RNF138: variants seen among roughly 807,000 people sequenced by gnomAD.
RNF138 encodes E3 ubiquitin-protein ligase RNF138.
In RNF138, 12 loss-of-function variants were observed where a neutral mutation model predicts 31.0. That is an observed-to-expected ratio of 0.39 (90% CI 0.25 to 0.63). The LOEUF is 0.63. Ranked by LOEUF, RNF138 falls within the 20% of genes least tolerant of loss-of-function variation. RNF138 has a pLI of 0.52. For missense variants in RNF138, 192 were observed against 300.1 expected (o/e 0.64, Z 2.66); for synonymous variants, 105 against 99.5 (o/e 1.06, Z -0.33).
chr18:32,123,803 C>G (rs956247405), intron 5 of RNF138: 1 of 271,508 alleles, frequency 3.7e-6, no homozygotes, highest in Non-Finnish European at 6.8e-6. Flanking sequence ...CAGGTGCCTG[C>G]CACCACGCCC....
chr18:32,115,534 C>G (rs993556026), intron 4 of RNF138, among the ~76,000 whole-genome samples: 15 of 152,170 alleles, frequency 9.9e-5, no homozygotes, highest in Admixed American at 7.9e-4. Flanking sequence ...CACTTGAGGT[C>G]AGGAGTTCAA....
intron 2 of RNF138, among the ~76,000 whole-genome samples, chr18:32,096,137 T>A (rs1009327093): frequency 6.6e-6 from 1 of 152,240 alleles, no homozygotes; most frequent in African/African-American, 2.4e-5. Context: ...TTGAGTGTTT[T>A]CCTGAAAACC....
At chr18:32,092,316 G>A (rs754280275) in intron 1 of RNF138, 81 bp downstream of exon 1, 97 of 155,822 alleles carry the variant, frequency 6.2e-4, no homozygotes, top group Admixed American at 1.1e-3. Flanking sequence ...ACACGGGCTG[G>A]GCACTCGGGG....
At chr18:32,115,071 C>G (rs2040193330) in intron 4 of RNF138, among the ~76,000 whole-genome samples, 1 of 151,958 alleles carries the variant, frequency 6.6e-6, no homozygotes, top group South Asian at 2.1e-4. Context: ...TGTTGTACTT[C>G]TACTTTATTG....
Position 32,091,897 on chromosome 18 carries a change from G to T in RNF138, c.-416G>T, listed in dbSNP as rs1299177331. The T allele has an allele frequency of 2.6e-5, 4 of 152,242 alleles. No individual in the cohort carries two copies. The highest frequency in any genetic ancestry group is 5.9e-5 in the Non-Finnish European group (4 of 68,090). 9.4% of individuals were successfully genotyped at this position (152,242 alleles called of 1,614,324 possible). ...GCGCCGTGCGCCGGTTGCTATACAG[G>T]CCGCACTTCACACCCCGTGCCTCCC... On this transcript the variant is annotated 5_prime_UTR_variant, in exon 1 of 8. Transcript: ENST00000261593.
chr18:32,129,080 A>C (rs371901863), intron 7 of RNF138, 39 bp from the exon 8 acceptor site: 22 of 1,389,150 alleles, frequency 1.6e-5, no homozygotes, highest in Non-Finnish European at 2.0e-5. Flanking sequence ...GAGTAGTTGA[A>C]TATGTTTTTC....
At chr18:32,107,164 A>C (rs1397237793) in intron 2 of RNF138, among the ~76,000 whole-genome samples, 1 of 115,642 alleles carries the variant, frequency 8.6e-6, no homozygotes, top group Non-Finnish European at 1.6e-5. Context: ...TCTGTCACCC[A>C]GGCTGGAGTG....
chr18:32,126,864 G>C (rs974507102), intron 7 of RNF138, 64 bp downstream of exon 7: 5 of 1,006,090 alleles, frequency 5.0e-6, no homozygotes, highest in African/African-American at 4.9e-5. Context: ...TAACTTTTTT[G>C]TAATCGACTT....
At chr18:32,095,389 C>T (rs1304820931) in intron 2 of RNF138, among the ~76,000 whole-genome samples, 1 of 152,098 alleles carries the variant, frequency 6.6e-6, no homozygotes, top group African/African-American at 2.4e-5. Flanking sequence ...CCAGTCAGAT[C>T]TTGAACTCCT....
chr18:32,105,988 T>C (rs998375871), intron 2 of RNF138, among the ~76,000 whole-genome samples: 2 of 152,202 alleles, frequency 1.3e-5, no homozygotes. Flanking sequence ...ACATTCATTC[T>C]TCTTAGTTCA....
rs1159960040 is a variant in RNF138, at chr18:32,130,092, T to C, written c.*905T>C. On this transcript the variant is annotated 3_prime_UTR_variant, in exon 8 of 8. Transcript: ENST00000261593. The stretch of plus-strand genomic sequence containing the variant: ...TAAAGATGTATATATACATATACTT[T>C]TGTGTGTATATATACACATATGTGT... 4 of 152,452 alleles carry C rather than the reference T, an allele frequency of 2.6e-5. No individual in the cohort carries two copies. Among genetic ancestry groups the C allele is most frequent in the Non-Finnish European group, 4.4e-5 (3 of 67,894 alleles). 9.4% of individuals were successfully genotyped at this position (152,452 alleles called of 1,614,324 possible). A position where few individuals can be genotyped will look rare whatever the true frequency, so the allele number is the denominator to read the frequency against.
Position 32,092,735 on chromosome 18 carries a change from C to T in RNF138, c.-42C>T. 1 of 1,347,000 alleles carries T rather than the reference C, an allele frequency of 7.4e-7. No individual in the cohort carries two copies. Among genetic ancestry groups the T allele is most frequent in the Non-Finnish European group, 1.0e-6 (1 of 972,966 alleles). The allele number at this position is 1,347,000 out of a possible 1,614,324, so 83.4% of individuals were successfully genotyped here. A position where few individuals can be genotyped will look rare whatever the true frequency, so the allele number is the denominator to read the frequency against. On this transcript the variant is annotated 5_prime_UTR_variant, in exon 2 of 8. Coordinates refer to ENST00000261593, the MANE Select transcript of RNF138 (RefSeq NM_016271.5). ...CCCGGGCCGCCACCGTCACCTCGGC[C>T]GCTGCCGCTGTCGCCATCGCCTTGT...
At chr18:32,095,439 T>A (rs2039787824) in intron 2 of RNF138, among the ~76,000 whole-genome samples, 1 of 152,186 alleles carries the variant, frequency 6.6e-6, no homozygotes, top group Admixed American at 6.6e-5. Context: ...CCAAAAGTGC[T>A]GGGATGACAG....
intron 2 of RNF138, among the ~76,000 whole-genome samples, chr18:32,098,913 GA>G (rs2039866177): frequency 7.3e-6 from 1 of 136,990 alleles, no homozygotes; most frequent in Non-Finnish European, 1.5e-5. Flanking sequence ...TACAACCTTT[GA>G]TTTTTTTTTT....
In RNF138 at chr18:32,130,878, T is replaced by C. The variant is rs991860820; in HGVS notation, c.*1691T>C. ...TATGTGTGTGCTTGAGCATTTTCTT[T>C]CAGTTACATGGGTGTAATTTAAAAA... is the stretch of plus-strand genomic sequence containing the variant. On this transcript the variant is annotated 3_prime_UTR_variant, in exon 8 of 8. Transcript: ENST00000261593. 6.6e-6 allele frequency: 1 copy of C among 151,196 alleles called. No individual in the cohort carries two copies. Among genetic ancestry groups the C allele is most frequent in the African/African-American group, 2.4e-5 (1 of 41,000 alleles). 9.4% of individuals were successfully genotyped at this position (151,196 alleles called of 1,614,324 possible). A position where few individuals can be genotyped will look rare whatever the true frequency, so the allele number is the denominator to read the frequency against.
At chr18:32,127,223 T>G (rs974095995) in intron 7 of RNF138, among the ~76,000 whole-genome samples, 2 of 152,146 alleles carry the variant, frequency 1.3e-5, no homozygotes, top group African/African-American at 4.8e-5. Flanking sequence ...ACAACGTTTT[T>G]AAAAATGAGG....
At chr18:32,092,535 C>T in intron 1 of RNF138, 165 bp from the exon 2 acceptor site, 9 of 503,066 alleles carry the variant, frequency 1.8e-5, no homozygotes, top group Non-Finnish European at 3.2e-5. Context: ...GCACCGTCCC[C>T]CATCCAGCCC....
In RNF138 at chr18:32,129,451, T is replaced by C. The variant is rs1598868900; in HGVS notation, c.*264T>C. On this transcript the variant is annotated 3_prime_UTR_variant, in exon 8 of 8. Transcript: ENST00000261593. The stretch of plus-strand genomic sequence containing the variant: ...GTGAAAGAGAATCCCTGTTGTACTT[T>C]ATCTTTTTGTAATATTATTTTTGAA... The C allele has an allele frequency of 6.5e-6, 2 of 308,970 alleles. No individual in the cohort carries two copies. The highest frequency in any genetic ancestry group is 8.5e-5 in the South Asian group (1 of 11,812). 19.1% of individuals were successfully genotyped at this position (308,970 alleles called of 1,614,324 possible). A position where few individuals can be genotyped will look rare whatever the true frequency, so the allele number is the denominator to read the frequency against.
Position 32,129,153 on chromosome 18 carries a change from C to T in RNF138, c.704C>T (p.Thr235Ile), listed in dbSNP as rs747164148. The T allele has an allele frequency of 6.2e-7, 1 of 1,612,610 alleles. No individual in the cohort carries two copies. The highest frequency in any genetic ancestry group is 8.5e-7 in the Non-Finnish European group (1 of 1,179,074). Residue 235 changes from threonine to isoleucine, a missense_variant, in exon 8 of 8, where the codon ACT (threonine) becomes ATT (isoleucine). Thr to Ile is a moderately conservative substitution (Grantham distance 89, BLOSUM62 -1). This residue lies in a region of RNF138 where 140 missense variants were observed against 251.7 expected (regional missense o/e 0.56). Coordinates refer to ENST00000261593, the MANE Select transcript of RNF138 (RefSeq NM_016271.5). ...LQLDEETQYQTAVEESFQVNI is the reference protein window; with the variant it reads ...LQLDEETQYQIAVEESFQVNI Reference sequence around the variant, plus strand: ...CTAGATGAAGAAACCCAATACCAAACTGCTGTTGAAGAATCTTTTCAAGTA... The same window carrying T: ...CTAGATGAAGAAACCCAATACCAAATTGCTGTTGAAGAATCTTTTCAAGTA...
Sources: allele counts gnomAD v4.1 joint callset (sites outside exome capture counted in the v4.1 genomes callset), GRCh38; gene constraint gnomAD v4.1.1; regional missense constraint gnomAD v4.1.1; transcripts MANE v1.5; gene names NCBI Gene and HGNC (gene_info 2026-07-23, HGNC 2026-07-21).